The following MAGI1 variants were observed in gnomAD, a reference collection of about 807,000 sequenced individuals.
The protein encoded by MAGI1 is membrane associated guanylate kinase, WW and PDZ domain containing 1.
In MAGI1, 58 loss-of-function variants were observed where a neutral mutation model predicts 139.9. That is an observed-to-expected ratio of 0.41 (90% CI 0.34 to 0.52). The LOEUF (loss-of-function observed/expected upper bound fraction) is 0.52, where lower values mean the gene tolerates loss of function less well. Among genes scored for constraint, MAGI1 ranks in the 20% least tolerant of loss-of-function variants. The pLI is 0.12. For missense variants in MAGI1, 1,874 were observed against 1,901.6 expected (o/e 0.99, Z 0.27); for synonymous variants, 812 against 737.9 (o/e 1.10, Z -1.63).
intron 1 of MAGI1, among the ~76,000 whole-genome samples, chr3:65,775,012 G>A (rs573744982): frequency 6.6e-6 from 1 of 152,176 alleles, no homozygotes; most frequent in African/African-American, 2.4e-5. Flanking sequence ...CATACAATAA[G>A]AGCTCAATAA....
rs1181709277 is a variant in MAGI1 at position 65,522,659 on chromosome 3, G to A, written c.431-29028C>T. Among the ~76,000 whole-genome samples, 5 of 152,038 alleles carry A rather than the reference G, an allele frequency of 3.3e-5. No individual in the cohort carries two copies. The South Asian group carries it at 8.3e-4, about 25-fold the overall frequency. On this transcript the variant is annotated intron_variant, in intron 2 of 22. Coordinates refer to ENST00000402939, the MANE Select transcript of MAGI1 (RefSeq NM_001033057.2). ...AAAGTTTCTTTATGACCTCCTCATC[G>A]TTTCTTCCCCAGTCATAGGTGTCAG...
chr3:65,583,129 G>A (rs558238179), intron 2 of MAGI1, among the ~76,000 whole-genome samples: 3 of 151,920 alleles, frequency 2.0e-5, no homozygotes, highest in Non-Finnish European at 4.4e-5. Context: ...TCAAAATTGG[G>A]GTCCACTTTA....
At chr3:66,037,975 C>A in intron 1 of MAGI1, 21 bp downstream of exon 1, 1 of 1,529,532 alleles carries the variant, frequency 6.5e-7, no homozygotes, top group Non-Finnish European at 8.8e-7. Flanking sequence ...GGGCGCCCCC[C>A]AAAGGCGCGC....
intron 1 of MAGI1, among the ~76,000 whole-genome samples, chr3:65,952,463 A>T (rs956316296): frequency 2.0e-5 from 3 of 152,294 alleles, no homozygotes; most frequent in African/African-American, 7.2e-5. Flanking sequence ...ACGTACCAAA[A>T]CACAATTCTT....
chr3:65,479,321 T>C (rs1951096860), intron 3 of MAGI1, among the ~76,000 whole-genome samples: 1 of 152,126 alleles, frequency 6.6e-6, no homozygotes. Flanking sequence ...ATGGCAGGCT[T>C]GACTCTCAGA....
intron 1 of MAGI1, among the ~76,000 whole-genome samples, chr3:65,659,531 T>C (rs1445291002): frequency 6.6e-6 from 1 of 152,138 alleles, no homozygotes; most frequent in African/African-American, 2.4e-5. Context: ...GAAGGCAACA[T>C]AGTTCAGAGA....
At chr3:65,684,001 C>CAAAAA (rs1235259524) in intron 1 of MAGI1, among the ~76,000 whole-genome samples, 7 of 86,782 alleles carry the variant, frequency 8.1e-5, no homozygotes, top group African/African-American at 2.6e-4. Context: ...CCCATGTCTA[C>CAAAAA]AAAAAAAAAA....
At chr3:65,553,612 T>C (rs1452040126) in intron 2 of MAGI1, among the ~76,000 whole-genome samples, 1 of 152,134 alleles carries the variant, frequency 6.6e-6, no homozygotes, top group Admixed American at 6.5e-5. Flanking sequence ...TTATCAGCCC[T>C]AATAACAGCG....
chr3:65,758,447 T>C (rs962979110), intron 1 of MAGI1, among the ~76,000 whole-genome samples: 3 of 152,220 alleles, frequency 2.0e-5, no homozygotes, highest in African/African-American at 7.2e-5. Context: ...TGGTCCTCAG[T>C]GAGCCAGATT....
intron 1 of MAGI1, among the ~76,000 whole-genome samples, chr3:65,811,415 T>C (rs2041225698): frequency 6.6e-6 from 1 of 152,188 alleles, no homozygotes; most frequent in African/African-American, 2.4e-5. Context: ...CTTGGGAAGC[T>C]TCCTGCCAGA....
intron 2 of MAGI1, among the ~76,000 whole-genome samples, chr3:65,552,852 T>C (rs899981564): frequency 1.3e-5 from 2 of 152,244 alleles, no homozygotes; most frequent in Non-Finnish European, 2.9e-5. Context: ...TGCCTTGGTT[T>C]AATTATGAGA....
intron 2 of MAGI1, among the ~76,000 whole-genome samples, chr3:65,504,302 C>A (rs2107713528): frequency 6.6e-6 from 1 of 152,310 alleles, no homozygotes; most frequent in East Asian, 1.9e-4. Context: ...AAATTAAAGG[C>A]ATTAGAAAAT....
intron 1 of MAGI1, among the ~76,000 whole-genome samples, chr3:65,642,580 T>C (rs1024884148): frequency 1.3e-5 from 2 of 152,196 alleles, no homozygotes; most frequent in East Asian, 1.9e-4. Flanking sequence ...TGTTTATACA[T>C]ACTGAAGTCA....
intron 14 of MAGI1, chr3:65,387,130 A>C: frequency 6.2e-7 from 1 of 1,610,216 alleles, no homozygotes; most frequent in Non-Finnish European, 8.5e-7. Context: ...AAAAGTTTTC[A>C]GCGGATCCTT....
chr3:66,032,015 A>C (rs1485590975), intron 1 of MAGI1, among the ~76,000 whole-genome samples: 1 of 152,192 alleles, frequency 6.6e-6, no homozygotes, highest in East Asian at 1.9e-4. Flanking sequence ...GCCCAGTATA[A>C]ATTATTAGAC....
chr3:65,422,728 T>C (rs1256029061), intron 12 of MAGI1, among the ~76,000 whole-genome samples: 3 of 152,076 alleles, frequency 2.0e-5, no homozygotes, highest in Admixed American at 2.0e-4. Context: ...GCTTGATTTA[T>C]GAGGAATGGT....
At chr3:65,537,803 A>G (rs1559649297) in intron 2 of MAGI1, among the ~76,000 whole-genome samples, 1 of 152,146 alleles carries the variant, frequency 6.6e-6, no homozygotes, top group Non-Finnish European at 1.5e-5. Flanking sequence ...ACATTTAAAG[A>G]GAAAGATTAT....
intron 1 of MAGI1, among the ~76,000 whole-genome samples, chr3:65,972,065 C>T (rs958581592): frequency 1.3e-5 from 2 of 152,186 alleles, no homozygotes; most frequent in African/African-American, 4.8e-5. Context: ...GCAAGGCTTG[C>T]TCAGGCCCAC....
chr3:65,359,290 A>G, intron 22 of MAGI1: 2 of 1,474,434 alleles, frequency 1.4e-6, no homozygotes, highest in Non-Finnish European at 1.8e-6. Context: ...GGGCAAAGAG[A>G]GTTTATTTGT....
Sources: gnomAD v4.1 joint callset for allele counts (sites outside exome capture counted in the v4.1 genomes callset) on GRCh38, gnomAD v4.1.1 for gene constraint, MANE v1.5 for transcripts, NCBI Gene and HGNC (gene_info 2026-07-23, HGNC 2026-07-21) for gene names.